Variants in LMO3 observed in about 807,000 individuals in gnomAD.
The protein encoded by LMO3 is LIM domain only protein 3.
Under a neutral mutation model 15.8 loss-of-function variants are expected in LMO3, and 2 were observed. The ratio of observed to expected loss-of-function variants is 0.13; its 90% confidence interval spans 0.05 to 0.40. The LOEUF is 0.40. Among genes scored for constraint, LMO3 ranks in the 10% least tolerant of loss-of-function variants. The pLI is 0.99. For missense variants in LMO3, 86 were observed against 182.2 expected, an observed-to-expected ratio of 0.47 and a Z score of 3.04; for synonymous variants, 62 against 63.8, an observed-to-expected ratio of 0.97 and a Z score of 0.13.
At chr12:16,566,039 T>TATAAAA (rs1565488437) in intron 2 of LMO3, among the ~76,000 whole-genome samples, 1 of 86,506 alleles carries the variant, frequency 1.2e-5, no homozygotes, top group Admixed American at 1.4e-4. Context: ...TATATATATA[T>TATAAAA]AAAATGGAGT....
intron 2 of LMO3, among the ~76,000 whole-genome samples, chr12:16,566,062 TA>T (rs1007245184): frequency 8.2e-6 from 1 of 121,324 alleles, no homozygotes; most frequent in Admixed American, 9.8e-5. Context: ...TATTCAGCCA[TA>T]AAAAAGAATG....
intron 2 of LMO3, among the ~76,000 whole-genome samples, chr12:16,592,368 C>A (rs1414543518): frequency 6.6e-6 from 1 of 151,986 alleles, no homozygotes; most frequent in East Asian, 1.9e-4. Flanking sequence ...AAAATACTGG[C>A]TTATAAATTT....
At chr12:16,608,744 A>G (rs922479975), upstream of LMO3, 3 of 152,094 alleles carry the variant, frequency 2.0e-5, no homozygotes, top group Admixed American at 2.0e-4. The surrounding 1 kb of genome is among the most constrained non-coding windows in gnomAD (Gnocchi z 4.1). Context: ...AGAGAGAGAG[A>G]CAGAGAGAGA....
In LMO3 at chr12:16,589,423, T is replaced by TA. The variant is rs1384417965; in HGVS notation, c.206+11231dup. ...TTTACTTTTACTTGTGACTTCACAG[T>TA]AAAAAATTAGGTCGTAGTGCAGATG... On this transcript the variant is annotated intron_variant, in intron 2 of 3. Coordinates refer to ENST00000537304, the MANE Select transcript of LMO3 (RefSeq NM_018640.5). The surrounding 1 kb of genome is among the most constrained non-coding windows in gnomAD (Gnocchi z 4.2). The TA allele has an allele frequency of 5.3e-5, 8 of 152,194 alleles. No homozygotes were observed. The East Asian group carries it at 5.8e-4, about 11-fold the overall frequency. 9.4% of individuals were successfully genotyped at this position (152,194 alleles called of 1,614,324 possible). A position where few individuals can be genotyped will look rare whatever the true frequency, so the allele number is the denominator to read the frequency against.
Position 16,564,261 on chromosome 12 carries a change from A to G in LMO3, c.207-3723T>C, listed in dbSNP as rs1268325328. Among the ~76,000 whole-genome samples, 77 of 152,192 alleles carry G rather than the reference A, an allele frequency of 5.1e-4. 1 individual carries two copies. Among genetic ancestry groups the G allele is most frequent in the Admixed American group, 5.0e-3 (77 of 15,282 alleles). ...TTACACCTGCCACACTGTAGTGAGC[A>G]TGCACAGAGAAATATTTAATAACTT... On this transcript the variant is annotated intron_variant, in intron 2 of 3. Coordinates refer to ENST00000537304, the MANE Select transcript of LMO3 (RefSeq NM_018640.5).
upstream of LMO3, chr12:16,609,067 C>G (rs1944080049): frequency 6.6e-6 from 1 of 152,082 alleles, no homozygotes; most frequent in East Asian, 1.9e-4. Context: ...CAGTTTTTCT[C>G]TTCATAATCA....
chr12:16,575,349 A>C (rs1293388096), intron 2 of LMO3, among the ~76,000 whole-genome samples: 1 of 152,252 alleles, frequency 6.6e-6, no homozygotes, highest in Admixed American at 6.5e-5. Context: ...CTAAAAGACC[A>C]AGTCCTCTCT....
At chr12:16,566,701 TTTA>T (rs929932358) in intron 2 of LMO3, among the ~76,000 whole-genome samples, 120 of 152,292 alleles carry the variant, frequency 7.9e-4, no homozygotes, top group African/African-American at 2.7e-3. Context: ...AATATTTTTC[TTTA>T]TTAACACATA....
Position 16,582,743 on chromosome 12 carries a change from C to T in LMO3, c.206+17912G>A, listed in dbSNP as rs73322838. 3.2e-3 allele frequency among the ~76,000 whole-genome samples: 490 copies of T among 152,214 alleles called. No individual in the cohort carries two copies. Among genetic ancestry groups the T allele is most frequent in the African/African-American group, 0.011 (437 of 41,534 alleles). On this transcript the variant is annotated intron_variant, in intron 2 of 3. Coordinates refer to ENST00000537304, the MANE Select transcript of LMO3 (RefSeq NM_018640.5). This position sits in a 1 kb window ranked among gnomAD's most constrained non-coding sequence, Gnocchi z 4.1. ...TTTTAAGTATCTGATTGGGATGAGACGCCCAGAAAAGAATCAGAACTAGGC... is the reference window on the plus strand; with the variant it reads ...TTTTAAGTATCTGATTGGGATGAGATGCCCAGAAAAGAATCAGAACTAGGC...
chr12:16,574,662 G>A (rs981949901), intron 2 of LMO3, among the ~76,000 whole-genome samples: 1 of 152,240 alleles, frequency 6.6e-6, no homozygotes, highest in Middle Eastern at 3.4e-3. Flanking sequence ...TCCTATCTGT[G>A]CTCTGTTAAC....
rs1388065873 is a variant in LMO3, at chr12:16,582,795, C to T, written c.206+17860G>A. 6.6e-6 allele frequency among the ~76,000 whole-genome samples: 1 copy of T among 152,168 alleles called. No homozygotes were observed. Among genetic ancestry groups the T allele is most frequent in the Non-Finnish European group, 1.5e-5 (1 of 68,034 alleles). On this transcript the variant is annotated intron_variant, in intron 2 of 3. Transcript: ENST00000537304. The surrounding 1 kb of genome is among the most constrained non-coding windows in gnomAD (Gnocchi z 4.1). ...GGGCACGGTGGCCCATGCCTGTAAT[C>T]CCAGCACTTTGGGAGGCCAAATTGA...
At chr12:16,567,514 T>A (rs1942659466) in intron 2 of LMO3, 1 of 152,296 alleles carries the variant, frequency 6.6e-6, no homozygotes, top group Admixed American at 6.6e-5. Flanking sequence ...AGGACTTGAA[T>A]GACATGGCAT....
intron 2 of LMO3, among the ~76,000 whole-genome samples, chr12:16,592,179 GC>G (rs1943515280): frequency 6.6e-6 from 1 of 151,870 alleles, no homozygotes; most frequent in Non-Finnish European, 1.5e-5. Flanking sequence ...CGAAGTATTG[GC>G]ACTCAAATAT....
chr12:16,553,232 C>A (rs1398517195), intron 3 of LMO3, among the ~76,000 whole-genome samples: 1 of 152,038 alleles, frequency 6.6e-6, no homozygotes, highest in Non-Finnish European at 1.5e-5. Flanking sequence ...CAAAGCCCTG[C>A]CCAAGATTCT....
chr12:16,603,903 T>TA lies in LMO3; in HGVS notation c.-9+2162dup, dbSNP rs2137727483. Among the ~76,000 whole-genome samples, 1 of 152,186 alleles carries TA rather than the reference T, an allele frequency of 6.6e-6. No individual in the cohort carries two copies. The highest frequency in any genetic ancestry group is 6.5e-5 in the Admixed American group (1 of 15,300). ...CACAGTCTTACATTTTTGGACTAAC[T>TA]ACACAGAGTGAATAGAAAACATTTT... On this transcript the variant is annotated intron_variant, in intron 1 of 3. Coordinates refer to ENST00000537304, the MANE Select transcript of LMO3 (RefSeq NM_018640.5). This position sits in a 1 kb window ranked among gnomAD's most constrained non-coding sequence, Gnocchi z 4.9.
chr12:16,559,904 G>A lies in LMO3; in HGVS notation c.332+509C>T, dbSNP rs1942328666. ...TTGAGCACAGAAGTTGAGGCTGCATGAGCCATGTTAGTGCCACTGCGCTCT... is the reference window on the plus strand; with the variant it reads ...TTGAGCACAGAAGTTGAGGCTGCATAAGCCATGTTAGTGCCACTGCGCTCT... On this transcript the variant is annotated intron_variant, in intron 3 of 3. Transcript: ENST00000537304. This position sits in a 1 kb window ranked among gnomAD's most constrained non-coding sequence, Gnocchi z 4.1. 6.6e-6 allele frequency among the ~76,000 whole-genome samples: 1 copy of A among 152,040 alleles called. No individual in the cohort carries two copies. The highest frequency in any genetic ancestry group is 6.6e-5 in the Admixed American group (1 of 15,244).
upstream of LMO3, chr12:16,610,120 C>T (rs1449800928): frequency 6.6e-6 from 1 of 152,224 alleles, no homozygotes; most frequent in African/African-American, 2.4e-5. Flanking sequence ...GGCTTCCTGT[C>T]TTTCTTGTGT....
chr12:16,602,068 G>A (rs905133948), intron 1 of LMO3: 3 of 152,298 alleles, frequency 2.0e-5, no homozygotes, highest in African/African-American at 4.8e-5. Context: ...AGACAGTTAC[G>A]CTATAGACTC....
At chr12:16,594,835 T>C (rs566309002) in intron 2 of LMO3, among the ~76,000 whole-genome samples, 1 of 151,758 alleles carries the variant, frequency 6.6e-6, no homozygotes, top group South Asian at 2.1e-4. Context: ...TAACAAATTA[T>C]GTTTATGTAG....
Sources: allele counts gnomAD v4.1 joint callset (sites outside exome capture counted in the v4.1 genomes callset), GRCh38; gene constraint gnomAD v4.1.1; non-coding constraint Gnocchi (gnomAD v3.1); transcripts MANE v1.5; gene names NCBI Gene and HGNC (gene_info 2026-07-23, HGNC 2026-07-21).